Variants in CSMD1 observed in about 807,000 individuals in gnomAD.
The protein encoded by CSMD1 is CUB and Sushi multiple domains 1.
Under a neutral mutation model 417.5 loss-of-function variants are expected in CSMD1, and 213 were observed. The ratio of observed to expected loss-of-function variants is 0.51; its 90% CI spans 0.46 to 0.57. CSMD1 has a LOEUF of 0.57. Among genes scored for constraint, CSMD1 ranks in the 20% least tolerant of loss-of-function variants. The probability of loss-of-function intolerance (pLI) is 0.00; values close to 1 mark genes in which losing one functional copy is unlikely to be tolerated. For synonymous variants in CSMD1, 2,862 were observed against 1,736.8 expected, an observed-to-expected ratio of 1.65 and a Z score of -16.11; for missense variants, 6,923 against 4,529.7, an observed-to-expected ratio of 1.53 and a Z score of -15.17.
chr8:3,926,053 T>TACACACACACACACACACACACCAC (rs35557551), intron 5 of CSMD1, among the ~76,000 whole-genome samples: 1 of 87,820 alleles, frequency 1.1e-5, no homozygotes, highest in Non-Finnish European at 2.5e-5. Flanking sequence ...AAACACCATA[T>TACACACACACACACACACACACCAC]ACACACACAC....
chr8:3,492,228 C>A (rs1818423884), intron 11 of CSMD1, among the ~76,000 whole-genome samples: 2 of 152,088 alleles, frequency 1.3e-5, no homozygotes, highest in South Asian at 4.1e-4. Flanking sequence ...GTTATTTCCC[C>A]AAGCAACCAG....
intron 6 of CSMD1, among the ~76,000 whole-genome samples, chr8:3,744,290 G>A (rs919407998): frequency 1.4e-4 from 22 of 152,110 alleles, no homozygotes; most frequent in East Asian, 5.8e-4. Flanking sequence ...TTGAAAAGGC[G>A]GATGGGGACA....
At chr8:4,429,117 GTTT>G (rs1217774106) in intron 2 of CSMD1, among the ~76,000 whole-genome samples, 5 of 151,320 alleles carry the variant, frequency 3.3e-5, no homozygotes, top group African/African-American at 4.9e-5. Flanking sequence ...CTGGTAATCA[GTTT>G]TTTTCTATGA....
intron 20 of CSMD1, among the ~76,000 whole-genome samples, chr8:3,366,603 C>A (rs1398071785): frequency 6.6e-6 from 1 of 152,266 alleles, no homozygotes; most frequent in South Asian, 2.1e-4. Flanking sequence ...CTTCTTTCAT[C>A]CTAGAGGTGG....
chr8:3,431,346 G>C (rs1045285126), intron 12 of CSMD1, among the ~76,000 whole-genome samples: 1 of 152,144 alleles, frequency 6.6e-6, no homozygotes, highest in Non-Finnish European at 1.5e-5. Flanking sequence ...CAGTAACTTG[G>C]AGAGTGAAAA....
intron 3 of CSMD1, among the ~76,000 whole-genome samples, chr8:4,228,208 G>C (rs1801479648): frequency 6.6e-6 from 1 of 152,266 alleles, no homozygotes; most frequent in East Asian, 1.9e-4. Flanking sequence ...GGTTTCCTTG[G>C]CTGCTGTATC....
intron 10 of CSMD1, among the ~76,000 whole-genome samples, chr8:3,551,949 C>A (rs950219880): frequency 1.3e-5 from 2 of 152,154 alleles, no homozygotes; most frequent in African/African-American, 2.4e-5. Flanking sequence ...AAAGATGAGG[C>A]TGCCACTGTG....
At chr8:3,286,240 G>T (rs1391587653) in intron 25 of CSMD1, among the ~76,000 whole-genome samples, 1 of 152,104 alleles carries the variant, frequency 6.6e-6, no homozygotes, top group African/African-American at 2.4e-5. Context: ...TGGACATTTG[G>T]GTTGGTTCCA....
intron 18 of CSMD1, among the ~76,000 whole-genome samples, chr8:3,381,906 C>T (rs13258685): frequency 0.48 from 72,772 of 151,944 alleles, 17,627 homozygotes; most frequent in Middle Eastern, 0.5. Context: ...TATATCTATA[C>T]AGTATATGCA....
At chr8:3,594,892 T>G (rs1379451524) in intron 8 of CSMD1, among the ~76,000 whole-genome samples, 1 of 152,056 alleles carries the variant, frequency 6.6e-6, no homozygotes, top group Admixed American at 6.6e-5. Context: ...ATAAATACCT[T>G]TGGAACTAAT....
At chr8:3,200,020 T>G (rs1796910850) in intron 32 of CSMD1, among the ~76,000 whole-genome samples, 1 of 152,192 alleles carries the variant, frequency 6.6e-6, no homozygotes, top group Non-Finnish European at 1.5e-5. Context: ...TTGATTAAAA[T>G]ATACTGTAAT....
chr8:4,809,428 A>G (rs1362557656), intron 1 of CSMD1, among the ~76,000 whole-genome samples: 1 of 152,186 alleles, frequency 6.6e-6, no homozygotes, highest in Non-Finnish European at 1.5e-5. Context: ...ATTTCCAAAC[A>G]TTACCTGCAA....
chr8:4,805,820 G>C (rs770089820), intron 1 of CSMD1, among the ~76,000 whole-genome samples: 1 of 152,124 alleles, frequency 6.6e-6, no homozygotes, highest in Non-Finnish European at 1.5e-5. Flanking sequence ...CTGGAACATG[G>C]AAAACTCGAA....
chr8:4,143,620 G>T (rs981322439), intron 3 of CSMD1, among the ~76,000 whole-genome samples: 1 of 150,948 alleles, frequency 6.6e-6, no homozygotes, highest in African/African-American at 2.5e-5. Flanking sequence ...GCACTCTGAG[G>T]GTACACCTGA....
chr8:4,355,169 G>A (rs879801720), intron 3 of CSMD1, among the ~76,000 whole-genome samples: 13 of 152,094 alleles, frequency 8.5e-5, no homozygotes, highest in Non-Finnish European at 1.6e-4. Context: ...GGCTGAGGCA[G>A]GAGAATGGCG....
chr8:4,114,158 C>T (rs1802009792), intron 3 of CSMD1, among the ~76,000 whole-genome samples: 1 of 152,204 alleles, frequency 6.6e-6, no homozygotes, highest in African/African-American at 2.4e-5. Context: ...GGCTTAAAAA[C>T]TTCAAAGGAC....
chr8:4,408,027 C>A (rs1796423829), intron 3 of CSMD1, among the ~76,000 whole-genome samples: 1 of 152,156 alleles, frequency 6.6e-6, no homozygotes, highest in Admixed American at 6.6e-5. Flanking sequence ...TCCACTTACT[C>A]ACCCTCCTCC....
intron 4 of CSMD1, among the ~76,000 whole-genome samples, chr8:4,020,373 C>T (rs1280268618): frequency 6.6e-6 from 1 of 152,186 alleles, no homozygotes; most frequent in African/African-American, 2.4e-5. Context: ...TGTTGTATTT[C>T]ATTTAATCCT....
chr8:4,239,253 A>G (rs1201328513), intron 3 of CSMD1, among the ~76,000 whole-genome samples: 2 of 152,188 alleles, frequency 1.3e-5, no homozygotes, highest in Non-Finnish European at 2.9e-5. Context: ...ATTACAGTGG[A>G]TGCTGAGGTT....
Sources: allele counts gnomAD v4.1 joint callset (sites outside exome capture counted in the v4.1 genomes callset), GRCh38; gene constraint gnomAD v4.1.1; transcripts MANE v1.5; gene names NCBI Gene and HGNC (gene_info 2026-07-23, HGNC 2026-07-21).